The following RAB2B variants were observed in gnomAD, a reference collection of about 807,000 sequenced individuals.
RAB2B encodes the protein RAB2B, member RAS oncogene family, also known as ras-related protein Rab-2B.
In RAB2B, 20 loss-of-function variants were observed where a neutral mutation model predicts 29.8. That is an observed-to-expected ratio of 0.67 (90% confidence interval 0.47 to 0.97). The LOEUF (loss-of-function observed/expected upper bound fraction) is 0.97, where lower values mean the gene tolerates loss of function less well. Among genes scored for constraint, RAB2B ranks in the 50% least tolerant of loss-of-function variants. The pLI is 0.00. For missense variants in RAB2B, 218 were observed against 272.0 expected, an observed-to-expected ratio of 0.80 and a Z score of 1.40; for synonymous variants, 93 against 91.7, an observed-to-expected ratio of 1.01 and a Z score of -0.08.
intron 5 of RAB2B, among the ~76,000 whole-genome samples, chr14:21,467,548 C>A (rs1234031124): frequency 1.3e-5 from 2 of 151,690 alleles, no homozygotes; most frequent in Non-Finnish European, 2.9e-5. Context: ...CTATGGGTGT[C>A]AAAAAAAATT....
chr14:21,472,571 T>A (rs6571844), intron 3 of RAB2B, among the ~76,000 whole-genome samples: 123,516 of 152,096 alleles, frequency 0.81, 51,447 homozygotes, highest in Middle Eastern at 0.92. Context: ...TTTCAAAATA[T>A]ATAGAAAACC....
intron 1 of RAB2B, 104 bp downstream of exon 1, chr14:21,476,723 C>A: frequency 1.3e-6 from 2 of 1,592,258 alleles, no homozygotes; most frequent in East Asian, 2.2e-5. Flanking sequence ...CCGCCCCGCC[C>A]GTCTCGAATC....
intron 6 of RAB2B, among the ~76,000 whole-genome samples, chr14:21,463,248 C>CTTTT (rs36047568): frequency 1.2e-4 from 17 of 138,558 alleles, no homozygotes; most frequent in Admixed American, 4.4e-4. Flanking sequence ...GACATTCTTT[C>CTTTT]TTTTTTTTTT....
intron 7 of RAB2B, 130 bp downstream of exon 7, chr14:21,462,220 A>T: frequency 5.3e-6 from 3 of 571,130 alleles, no homozygotes; most frequent in Non-Finnish European, 8.2e-6. Flanking sequence ...AAAAAAAAAA[A>T]GTGTTGAATT....
rs1031110691 is a variant in RAB2B at position 21,460,487 on chromosome 14, A to G, written c.*709T>C. ...GTAGTCCCAGCTACTCGGGAGGTTG[A>G]GGCAGGAGAACTGCTTGAACCTGGA... is the stretch of plus-strand genomic sequence containing the variant. On this transcript the variant is annotated 3_prime_UTR_variant, in exon 8 of 8. Transcript: ENST00000397762. The G allele has an allele frequency of 7.0e-6, 2 of 284,958 alleles. No homozygotes were observed. The highest frequency in any genetic ancestry group is 1.8e-4 in the East Asian group (2 of 11,336). The allele number at this position is 284,958 out of a possible 1,614,324, so 17.7% of individuals were successfully genotyped here.
Position 21,463,648 on chromosome 14 carries a change from A to T in RAB2B, c.474+8T>A. 1 of 1,582,630 alleles carries T rather than the reference A, an allele frequency of 6.3e-7. No individual in the cohort carries two copies. Among genetic ancestry groups the T allele is most frequent in the Non-Finnish European group, 8.7e-7 (1 of 1,151,726 alleles). ...AAAGAGCTTTCCCCACTGTTTTCCA[A>T]ATAGTACCTCTTCAACATTGCAGGC... On this transcript the variant is annotated splice_region_variant and intron_variant, in intron 6 of 7. Coordinates refer to ENST00000397762, the MANE Select transcript of RAB2B (RefSeq NM_032846.4).
intron 5 of RAB2B, 60 bp from the exon 6 acceptor site, chr14:21,463,827 C>G (rs1890625862): frequency 6.1e-6 from 7 of 1,139,356 alleles, no homozygotes; most frequent in Middle Eastern, 2.0e-4. Context: ...AGAGGAAAGT[C>G]TATTTCTAAA....
intron 5 of RAB2B, among the ~76,000 whole-genome samples, chr14:21,465,050 C>T (rs1417920698): frequency 6.6e-6 from 1 of 151,984 alleles, no homozygotes; most frequent in African/African-American, 2.4e-5. Context: ...CAAGGTTGGG[C>T]TGTTTGTGAT....
chr14:21,462,848 A>G (rs1207627198), intron 6 of RAB2B, among the ~76,000 whole-genome samples: 1 of 151,840 alleles, frequency 6.6e-6, no homozygotes, highest in Non-Finnish European at 1.5e-5. Context: ...AAAAAAAAAA[A>G]AAAAAAAATC....
At chr14:21,462,012 T>C (rs1463020206) in intron 7 of RAB2B, among the ~76,000 whole-genome samples, 1 of 152,182 alleles carries the variant, frequency 6.6e-6, no homozygotes, top group Non-Finnish European at 1.5e-5. Flanking sequence ...ATTTACTTTA[T>C]AGAAATTACT....
chr14:21,470,510 A>G (rs1395718180), intron 3 of RAB2B, among the ~76,000 whole-genome samples: 1 of 152,196 alleles, frequency 6.6e-6, no homozygotes, highest in Non-Finnish European at 1.5e-5. Context: ...AGAATCATAG[A>G]AACATGTGAG....
intron 4 of RAB2B, 107 bp downstream of exon 4, chr14:21,468,563 G>A: frequency 7.9e-7 from 1 of 1,260,684 alleles, no homozygotes. Context: ...ATATTAGAGA[G>A]GCCATTCCTA....
intron 5 of RAB2B, among the ~76,000 whole-genome samples, chr14:21,467,165 C>G (rs916104913): frequency 5.9e-5 from 9 of 151,904 alleles, no homozygotes; most frequent in Non-Finnish European, 1.0e-4. Flanking sequence ...CCTCGGCCTC[C>G]CAAAGTGCTA....
intron 5 of RAB2B, among the ~76,000 whole-genome samples, chr14:21,464,056 C>T (rs1232817374): frequency 6.6e-6 from 1 of 152,008 alleles, no homozygotes; most frequent in Non-Finnish European, 1.5e-5. Flanking sequence ...AGCTTATGCT[C>T]TATTGCTTGT....
Position 21,464,986 on chromosome 14 carries a change from G to A in RAB2B, c.363-1219C>T, listed in dbSNP as rs910666351. 3.3e-5 allele frequency among the ~76,000 whole-genome samples: 5 copies of A among 150,858 alleles called. No homozygotes were observed. In the South Asian group the frequency reaches 1.0e-3, roughly 31 times the overall value. ...TGTACTCCAGCCTGGGCAACAGCAC[G>A]AGACCTTGTCGCAAAAAAAAAACAA... On this transcript the variant is annotated intron_variant, in intron 5 of 7. Transcript: ENST00000397762.
intron 3 of RAB2B, among the ~76,000 whole-genome samples, chr14:21,471,360 T>TA (rs1265383845): frequency 6.6e-6 from 1 of 151,800 alleles, no homozygotes; most frequent in African/African-American, 2.4e-5. Context: ...GTCATGCCTA[T>TA]AATCCCAGCA....
Position 21,476,514 on chromosome 14 carries a change from G to C in RAB2B, c.118+14C>G, listed in dbSNP as rs202237329. 25 of 1,613,640 alleles carry C rather than the reference G, an allele frequency of 1.5e-5. No individual in the cohort carries two copies. Among genetic ancestry groups the C allele is most frequent in the South Asian group, 2.2e-5 (2 of 91,086 alleles). ...GGTTTTATCATCTGTTCTGGAACAA[G>C]TAGATGCACTTACCTATTGTGAGGT... On this transcript the variant is annotated intron_variant, in intron 2 of 7. Coordinates refer to ENST00000397762, the MANE Select transcript of RAB2B (RefSeq NM_032846.4).
Position 21,461,030 on chromosome 14 carries a change from G to T in RAB2B, c.*166C>A, listed in dbSNP as rs556430369. The T allele has an allele frequency of 1.8e-3, 962 of 535,350 alleles. 1 individual carries two copies. The highest frequency in any genetic ancestry group is 6.9e-3 in the Middle Eastern group (22 of 3,196). 33.2% of individuals were successfully genotyped at this position (535,350 alleles called of 1,614,324 possible). A position where few individuals can be genotyped will look rare whatever the true frequency, so the allele number is the denominator to read the frequency against. On this transcript the variant is annotated 3_prime_UTR_variant, in exon 8 of 8. Transcript: ENST00000397762. ...GGGAATGCTCATGTCCCTGAAGGAG[G>T]ACAGGTCAGTAAGGGCCCAAATTCT...
chr14:21,463,845 C>T (rs956805745), intron 5 of RAB2B, 78 bp from the exon 6 acceptor site: 16 of 956,910 alleles, frequency 1.7e-5, no homozygotes, highest in East Asian at 1.5e-4. Flanking sequence ...AAAAGAATTC[C>T]GTCGTGGTTT....
Sources: allele counts gnomAD v4.1 joint callset (sites outside exome capture counted in the v4.1 genomes callset), GRCh38; gene constraint gnomAD v4.1.1; transcripts MANE v1.5; gene names NCBI Gene and HGNC (gene_info 2026-07-23, HGNC 2026-07-21).